The following GLIS3 variants were observed in gnomAD, a reference collection of about 807,000 sequenced individuals.
GLIS3 encodes zinc finger protein GLIS3.
GLIS3 carries 53 observed loss-of-function variants against 78.6 expected under a neutral mutation model. The ratio of observed to expected loss-of-function variants is 0.67; its 90% CI spans 0.54 to 0.85. GLIS3 has a LOEUF of 0.85. GLIS3 is among the 40% of genes least tolerant of loss of function. GLIS3 has a pLI of 0.00. For synonymous variants in GLIS3, 684 were observed against 509.9 expected (o/e 1.34, Z -4.60); for missense variants, 1,703 against 1,231.1 (o/e 1.38, Z -5.74).
chr9:4,180,107 G>A (rs899062805), intron 2 of GLIS3, among the ~76,000 whole-genome samples: 2 of 152,118 alleles, frequency 1.3e-5, no homozygotes, highest in African/African-American at 4.8e-5. Context: ...TGTCAAGGCT[G>A]AGCTGGGGAG....
At chr9:4,199,574 A>T (rs996208668) in intron 2 of GLIS3, among the ~76,000 whole-genome samples, 27 of 151,662 alleles carry the variant, frequency 1.8e-4, no homozygotes, top group African/African-American at 6.0e-4. Flanking sequence ...TACATAAAAA[A>T]AAAAGTGGGG....
chr9:3,884,356 C>T (rs1039019946), intron 7 of GLIS3, among the ~76,000 whole-genome samples: 1 of 152,136 alleles, frequency 6.6e-6, no homozygotes, highest in Non-Finnish European at 1.5e-5. Context: ...ACTGTGTTTT[C>T]ATCACTTCAG....
In GLIS3 at chr9:3,859,413, A is replaced by G. The variant is rs140179775; in HGVS notation, c.2298-3229T>C. The stretch of plus-strand genomic sequence containing the variant: ...CACACACACACACATCAAAATGAAT[A>G]TGTTCTGAATATTCTGTCCCCAAAA... On this transcript the variant is annotated intron_variant, in intron 8 of 10. Transcript: ENST00000381971. Among the ~76,000 whole-genome samples, 215 of 149,102 alleles carry G rather than the reference A, an allele frequency of 1.4e-3. 1 individual carries two copies. The highest frequency in any genetic ancestry group is 5.1e-3 in the African/African-American group (207 of 40,826).
At chr9:3,889,031 AG>A (rs1306149573) in intron 7 of GLIS3, among the ~76,000 whole-genome samples, 1 of 152,190 alleles carries the variant, frequency 6.6e-6, no homozygotes, top group East Asian at 1.9e-4. Context: ...TTATGTGTCT[AG>A]GAGAGGCTTA....
chr9:4,286,859 C>G (rs942269296), intron 1 of GLIS3, among the ~76,000 whole-genome samples: 2 of 152,206 alleles, frequency 1.3e-5, no homozygotes, highest in Admixed American at 1.3e-4. Flanking sequence ...TACTAGTTCA[C>G]TTTTGCTACA....
At chr9:4,276,719 C>A (rs1234633239) in intron 2 of GLIS3, among the ~76,000 whole-genome samples, 1 of 152,106 alleles carries the variant, frequency 6.6e-6, no homozygotes, top group Non-Finnish European at 1.5e-5. Flanking sequence ...ATAATTGGAA[C>A]AAATCACGCC....
At chr9:4,424,233 C>T in the GLIS3 span, among the ~76,000 whole-genome samples, 1 of 152,172 alleles carries the variant, frequency 6.6e-6, no homozygotes, top group Admixed American at 6.5e-5. Context: ...GGTTCCAGAG[C>T]TAGCTCTGCC....
Position 4,068,833 on chromosome 9 carries a change from C to CAT in GLIS3, c.1710+48933_1710+48934dup, listed in dbSNP as rs1285826417. Among the ~76,000 whole-genome samples the CAT allele has an allele frequency of 1.3e-4, 11 of 83,040 alleles. No individual in the cohort carries two copies. The East Asian group carries it at 5.8e-3, about 43-fold the overall frequency. 54.5% of individuals were successfully genotyped at this position (83,040 alleles called of 152,430 possible). On this transcript the variant is annotated intron_variant, in intron 4 of 10. Transcript: ENST00000381971. ...TTGTGCATGCATGCATGCATGTATG[C>CAT]ATGTGTGTGTGTGTGTGTGTGTGTT...
intron 2 of GLIS3, among the ~76,000 whole-genome samples, chr9:4,268,458 A>T (rs1826211352): frequency 6.6e-6 from 1 of 152,172 alleles, no homozygotes; most frequent in Non-Finnish European, 1.5e-5. Context: ...TTACTCTGGG[A>T]ATGTTCTGAA....
the GLIS3 span, among the ~76,000 whole-genome samples, chr9:4,403,146 G>T: frequency 6.6e-6 from 1 of 152,130 alleles, no homozygotes; most frequent in Non-Finnish European, 1.5e-5. Context: ...AACCTTATAG[G>T]CTAGGAAAGA....
At chr9:4,291,364 C>A (rs1032897747) in intron 1 of GLIS3, among the ~76,000 whole-genome samples, 1 of 152,056 alleles carries the variant, frequency 6.6e-6, no homozygotes, top group Non-Finnish European at 1.5e-5. Context: ...GGGACCTCAC[C>A]TAATAGAAAC....
intron 2 of GLIS3, among the ~76,000 whole-genome samples, chr9:4,193,771 GA>G (rs1451777691): frequency 4.6e-5 from 7 of 152,204 alleles, no homozygotes; most frequent in African/African-American, 1.7e-4. Flanking sequence ...AGAGGCAAAT[GA>G]AAATACGTTG....
intron 2 of GLIS3, among the ~76,000 whole-genome samples, chr9:4,139,460 G>A (rs1833642683): frequency 6.6e-6 from 1 of 152,186 alleles, no homozygotes; most frequent in Non-Finnish European, 1.5e-5. Flanking sequence ...GAGGTCCCTG[G>A]TGGACACAAC....
chr9:4,206,252 T>C (rs1011195793), intron 2 of GLIS3, among the ~76,000 whole-genome samples: 3 of 152,208 alleles, frequency 2.0e-5, no homozygotes, highest in South Asian at 4.1e-4. Flanking sequence ...GAAGACATTT[T>C]AAAAAGAGGT....
intron 2 of GLIS3, among the ~76,000 whole-genome samples, chr9:4,326,462 G>A (rs1360360739): frequency 6.6e-6 from 1 of 152,146 alleles, no homozygotes; most frequent in Non-Finnish European, 1.5e-5. Flanking sequence ...AAAAAATACT[G>A]TGAGATTCCA....
intron 2 of GLIS3, among the ~76,000 whole-genome samples, chr9:4,343,478 G>C (rs563423497): frequency 2.6e-5 from 4 of 152,338 alleles, no homozygotes; most frequent in South Asian, 4.1e-4. Flanking sequence ...ATGTAAACTA[G>C]TTCAGCTACA....
At chr9:4,268,740 C>G (rs1183975798) in intron 2 of GLIS3, among the ~76,000 whole-genome samples, 1 of 152,146 alleles carries the variant, frequency 6.6e-6, no homozygotes, top group Non-Finnish European at 1.5e-5. Context: ...TGATTTGATT[C>G]TGGAAGAGTT....
chr9:4,240,920 G>C (rs1823244110), intron 2 of GLIS3, among the ~76,000 whole-genome samples: 2 of 150,428 alleles, frequency 1.3e-5, no homozygotes, highest in South Asian at 4.3e-4. Flanking sequence ...AGGAAAAAAA[G>C]AGAACTTTAG....
At chr9:3,966,436 C>T (rs7047371) in intron 4 of GLIS3, among the ~76,000 whole-genome samples, 60,045 of 148,710 alleles carry the variant, frequency 0.4, 13,523 homozygotes, top group African/African-American at 0.62. Context: ...GATGCAAAGC[C>T]TTTTTTTTTT....
Sources: allele counts gnomAD v4.1 joint callset (sites outside exome capture counted in the v4.1 genomes callset), GRCh38; gene constraint gnomAD v4.1.1; transcripts MANE v1.5; gene names NCBI Gene and HGNC (gene_info 2026-07-23, HGNC 2026-07-21).